The following CRTC2 variants were observed in gnomAD, a reference collection of about 807,000 sequenced individuals.
The protein encoded by CRTC2 is CREB-regulated transcription coactivator 2.
In CRTC2, 25 loss-of-function variants were observed where a neutral mutation model predicts 70.9. The ratio of observed to expected loss-of-function variants is 0.35; its 90% CI spans 0.26 to 0.49. The LOEUF (loss-of-function observed/expected upper bound fraction) is 0.49. Among genes scored for constraint, CRTC2 ranks in the 20% least tolerant of loss-of-function variants. The pLI is 0.98. For synonymous variants in CRTC2, 330 were observed against 364.1 expected, an observed-to-expected ratio of 0.91 and a Z score of 1.07; for missense variants, 737 against 882.6, an observed-to-expected ratio of 0.83 and a Z score of 2.09.
At chr1:153,952,545 G>A (rs1269578713) in intron 8 of CRTC2, 26 bp downstream of exon 8, 6 of 1,613,202 alleles carry the variant, frequency 3.7e-6, no homozygotes, top group South Asian at 2.2e-5. Context: ...GAGACTAGTG[G>A]GTGACACCCG....
chr1:153,952,203 G>A lies in CRTC2; in HGVS notation c.812C>T (p.Thr271Met), dbSNP rs200591440. 3 of 1,613,348 alleles carry A rather than the reference G, an allele frequency of 1.9e-6. No individual in the cohort carries two copies. The highest frequency in any genetic ancestry group is 2.2e-5 in the East Asian group (1 of 44,880). ...NVPVLPPAMNTGGSLPDLTNL... is the reference protein window; with the variant it reads ...NVPVLPPAMNMGGSLPDLTNL... Reference sequence around the variant, plus strand: ...GGTGAGGTCAGGTAGGGAGCCCCCCGTGTTCATGGCAGGTGGGAGGACAGG... The same window carrying A: ...GGTGAGGTCAGGTAGGGAGCCCCCCATGTTCATGGCAGGTGGGAGGACAGG... The change falls in exon 10 of 14, where the codon ACG (threonine) becomes ATG (methionine). Residue 271 changes from threonine to methionine, a missense_variant. By Grantham distance (81) the Thr-to-Met change is moderately conservative. Around this residue, in one of 3 missense-constraint regions of CRTC2, gnomAD observed 699 missense variants for 823.7 expected, o/e 0.85. Coordinates refer to ENST00000368633, the MANE Select transcript of CRTC2 (RefSeq NM_181715.3).
At position 153,948,257 on chromosome 1, in the gene CRTC2, G is replaced by A. The variant is rs1442379470; in HGVS notation, c.1934C>T (p.Ala645Val). ...LAGVPGFEVS[A>V]AGLELGLGLE... Reference sequence around the variant, plus strand: ...CCCAAGCCCTAGCTCCAATCCAGCTGCTGACACCTCAAAGCCAGGCACTCC... The same window carrying A: ...CCCAAGCCCTAGCTCCAATCCAGCTACTGACACCTCAAAGCCAGGCACTCC... Residue 645 changes from alanine (A) to valine (V), a missense_variant, in exon 14 of 14, where the codon GCA (alanine) becomes GTA (valine). This residue lies in a region of CRTC2 where 699 missense variants were observed against 823.7 expected (regional missense o/e 0.85). Coordinates refer to ENST00000368633, the MANE Select transcript of CRTC2 (RefSeq NM_181715.3). 6.2e-7 allele frequency: 1 copy of A among 1,614,270 alleles called. No homozygotes were observed. The highest frequency in any genetic ancestry group is 8.5e-7 in the Non-Finnish European group (1 of 1,180,050).
intron 4 of CRTC2, among the ~76,000 whole-genome samples, chr1:153,954,052 T>C (rs1680493459): frequency 6.6e-6 from 1 of 152,284 alleles, no homozygotes; most frequent in East Asian, 1.9e-4. Flanking sequence ...ACTGGGAGGC[T>C]TGACCACTAG....
intron 12 of CRTC2, 36 bp from the exon 13 acceptor site, chr1:153,948,680 T>C: frequency 6.4e-7 from 1 of 1,565,058 alleles, no homozygotes; most frequent in Non-Finnish European, 8.7e-7. Context: ...GGAAGTAGGA[T>C]TTAGAACTGG....
chr1:153,957,214 G>GA (rs796253346), intron 1 of CRTC2, among the ~76,000 whole-genome samples: 33 of 137,176 alleles, frequency 2.4e-4, no homozygotes, highest in South Asian at 4.5e-4. Flanking sequence ...GAAAGGACGA[G>GA]AAAAAAAAAA....
At chr1:153,952,301 G>T in intron 9 of CRTC2, 39 bp from the exon 10 acceptor site, 2 of 1,597,374 alleles carry the variant, frequency 1.3e-6, no homozygotes, top group Non-Finnish European at 1.7e-6. Context: ...TAAATAGGAG[G>T]GTGGGTGCAG....
intron 1 of CRTC2, among the ~76,000 whole-genome samples, chr1:153,956,381 G>A (rs913480098): frequency 5.3e-5 from 8 of 152,308 alleles, no homozygotes; most frequent in African/African-American, 1.7e-4. Context: ...TTTAGCCTGT[G>A]TACAGACATC....
rs781015470 is a variant in CRTC2 at position 153,949,127 on chromosome 1, G to A, written c.1662C>T (p.Phe554=). 8.7e-6 allele frequency: 14 copies of A among 1,608,404 alleles called. No individual in the cohort carries two copies. The highest frequency in any genetic ancestry group is 4.0e-5 in the African/African-American group (3 of 74,838). Residue 554 remains phenylalanine, a synonymous_variant, in exon 12 of 14, where the codon TTC becomes TTT. Coordinates refer to ENST00000368633, the MANE Select transcript of CRTC2 (RefSeq NM_181715.3). Reference sequence around the variant, plus strand: ...CCTGAGTACTCACATTCCCCAGGTTGAAGTCACTCATTGGCCGGTGGTAAG... The same window carrying A: ...CCTGAGTACTCACATTCCCCAGGTTAAAGTCACTCATTGGCCGGTGGTAAG... The part of the protein sequence containing the change: ...QQSYHRPMSD[F]NLGNLEQFSM...
At chr1:153,953,093 G>A (rs1343485023) in intron 6 of CRTC2, 173 bp downstream of exon 6, 1 of 605,266 alleles carries the variant, frequency 1.7e-6, no homozygotes, top group East Asian at 3.0e-5. Flanking sequence ...TGAGGCAGGA[G>A]AATCGCTTGA....
intron 12 of CRTC2, 91 bp downstream of exon 12, chr1:153,949,024 C>T: frequency 7.2e-7 from 1 of 1,396,444 alleles, no homozygotes; most frequent in Non-Finnish European, 1.0e-6. Context: ...CTAGATCTCC[C>T]CATTCACAGT....
chr1:153,957,239 AG>A (rs2102124372), intron 1 of CRTC2, among the ~76,000 whole-genome samples: 1 of 152,192 alleles, frequency 6.6e-6, no homozygotes, highest in African/African-American at 2.4e-5. Context: ...AACAGAGTCA[AG>A]GGGGATACAC....
Position 153,954,224 on chromosome 1 carries a change from G to T in CRTC2, c.434+31C>A, listed in dbSNP as rs951219015. Reference sequence around the variant, plus strand: ...CTTCCAGAAACACGTCAGAGAGTAGGCAGGAGCTTCTGCCCGCCCTGGACA... The same window carrying T: ...CTTCCAGAAACACGTCAGAGAGTAGTCAGGAGCTTCTGCCCGCCCTGGACA... On this transcript the variant is annotated intron_variant, in intron 4 of 13. Transcript: ENST00000368633. 12 of 1,564,950 alleles carry T rather than the reference G, an allele frequency of 7.7e-6. No homozygotes were observed. In the African/African-American group the frequency reaches 1.5e-4, roughly 19 times the overall value.
chr1:153,958,257 C>T (rs898628323), intron 1 of CRTC2, 88 bp downstream of exon 1: 1 of 1,522,230 alleles, frequency 6.6e-7, no homozygotes, highest in Non-Finnish European at 8.8e-7. Flanking sequence ...CCGCCTCCTT[C>T]GCTGCGGCGC....
intron 5 of CRTC2, 22 bp from the exon 6 acceptor site, chr1:153,953,391 G>A (rs1016511443): frequency 6.4e-7 from 1 of 1,561,506 alleles, no homozygotes; most frequent in Non-Finnish European, 8.8e-7. Flanking sequence ...GCAGGAATGA[G>A]CTGACACCAG....
In CRTC2 at chr1:153,948,622, CTCTCCATGCTGAACT is replaced by C; in HGVS notation, c.1682_1696del (p.Gln561_Ser566delinsArg). The stretch of plus-strand genomic sequence containing the variant: ...ATCCAGCACCAGGCTGGCTGATGGG[CTCTCCATGCTGAACT>C]GCTCCAGCTATAGACATACAGACAA... On this transcript the variant is annotated inframe_deletion, in exon 13 of 14. Transcript: ENST00000368633. The C allele has an allele frequency of 6.3e-7, 1 of 1,589,940 alleles. No homozygotes were observed.
chr1:153,953,773 C>T (rs1301646421), intron 4 of CRTC2, among the ~76,000 whole-genome samples, 167 bp from the exon 5 acceptor site: 1 of 152,252 alleles, frequency 6.6e-6, no homozygotes, highest in East Asian at 1.9e-4. Context: ...TGACCCCTCC[C>T]CCAGTCAATC....
chr1:153,952,369 C>T (rs745394726), intron 9 of CRTC2, 28 bp downstream of exon 9: 5 of 1,613,148 alleles, frequency 3.1e-6, no homozygotes, highest in Non-Finnish European at 3.4e-6. Flanking sequence ...CTTCCCCCAC[C>T]TCTCAGCCAA....
In CRTC2 at chr1:153,958,351, G is replaced by A. The variant is rs1266811558; in HGVS notation, c.147C>T (p.Ser49=). 2.5e-6 allele frequency: 4 copies of A among 1,612,080 alleles called. No individual in the cohort carries two copies. The highest frequency in any genetic ancestry group is 1.7e-4 in the Middle Eastern group (1 of 6,004). The change falls in exon 1 of 14, where the codon TCC becomes TCT. Residue 49 remains serine, a synonymous_variant. Coordinates refer to ENST00000368633, the MANE Select transcript of CRTC2 (RefSeq NM_181715.3). ...AFEEVMMDIG[S]TRLQAQKLRL... is the part of the protein sequence containing the mutation. ...CCCCGGCGCGGCCCCTCACCCGGGT[G>A]GAGCCGATGTCCATCATCACCTCCT...
At chr1:153,957,928 T>C (rs1680716815) in intron 1 of CRTC2, 1 of 662,046 alleles carries the variant, frequency 1.5e-6, no homozygotes, top group South Asian at 3.5e-5. Context: ...GGGACCAGTT[T>C]GGAGGAGATC....
Sources: gnomAD v4.1 joint callset for allele counts (sites outside exome capture counted in the v4.1 genomes callset) on GRCh38, gnomAD v4.1.1 for gene constraint, gnomAD v4.1.1 regional missense constraint, MANE v1.5 for transcripts, NCBI Gene and HGNC (gene_info 2026-07-23, HGNC 2026-07-21) for gene names.